Variants in ETS1 observed in about 807,000 individuals in gnomAD.
ETS1 encodes ETS proto-oncogene 1, transcription factor.
A neutral mutation model predicts 58.6 loss-of-function variants in ETS1; 15 were observed. The ratio of observed to expected loss-of-function variants is 0.26; its 90% CI spans 0.17 to 0.39. The LOEUF is 0.39. ETS1 is among the 10% of genes least tolerant of loss of function. The pLI is 1.00. For synonymous variants in ETS1, 214 were observed against 218.2 expected (o/e 0.98, Z 0.17); for missense variants, 417 against 610.5 (o/e 0.68, Z 3.34).
chr11:128,489,141 G>A (rs1283478567), intron 5 of ETS1, 149 bp downstream of exon 5: 5 of 700,020 alleles, frequency 7.1e-6, no homozygotes, highest in South Asian at 6.6e-5. Context: ...GCTGTATGCT[G>A]AGCAGTGTAC....
At chr11:128,577,877 G>A (rs1398998209) in intron 1 of ETS1, among the ~76,000 whole-genome samples, 2 of 150,036 alleles carry the variant, frequency 1.3e-5, no homozygotes, top group Non-Finnish European at 2.9e-5. Context: ...TGTTCAAGCA[G>A]TTGTCACGTG....
rs374019131 is a variant in ETS1 at position 128,556,377 on chromosome 11, T to C, written c.128A>G (p.Asn43Ser). The change falls in exon 3 of 10, where the codon AAT becomes AGT. Residue 43 changes from asparagine to serine, a missense_variant. Transcript: ENST00000392668. ...DPRMNCGFQS[N>S]YHQQRPCYPF... ...GTAGCAAGGTCTTTGCTGGTGATAATTGGACTGGAAACCACAGTTCATTCG... is the reference window on the plus strand; with the variant it reads ...GTAGCAAGGTCTTTGCTGGTGATAACTGGACTGGAAACCACAGTTCATTCG... 5.0e-6 allele frequency: 8 copies of C among 1,613,456 alleles called. No homozygotes were observed. The highest frequency in any genetic ancestry group is 2.7e-5 in the African/African-American group (2 of 74,934).
chr11:128,493,022 C>T (rs1192782426), intron 3 of ETS1, among the ~76,000 whole-genome samples: 1 of 152,148 alleles, frequency 6.6e-6, no homozygotes, highest in Admixed American at 6.5e-5. Context: ...TGTGTTTGTT[C>T]CCTCCATTAG....
At chr11:128,548,672 A>AGGGCGAGGTTCGGGCCGAGGC (rs1264498187) in intron 3 of ETS1, among the ~76,000 whole-genome samples, 1 of 152,228 alleles carries the variant, frequency 6.6e-6, no homozygotes, top group African/African-American at 2.4e-5. Context: ...CACAGGCCGA[A>AGGGCGAGGTTCGGGCCGAGGC]GGGCGAGGTT....
intron 3 of ETS1, among the ~76,000 whole-genome samples, chr11:128,512,049 A>G (rs1283555133): frequency 6.6e-6 from 1 of 152,228 alleles, no homozygotes; most frequent in African/African-American, 2.4e-5. Context: ...TATTTCCCCC[A>G]AATTCCACAA....
intron 3 of ETS1, chr11:128,505,075 T>A (rs1863194415): frequency 6.6e-6 from 1 of 152,232 alleles, no homozygotes; most frequent in Non-Finnish European, 1.5e-5. Context: ...AGGGTGCTAT[T>A]CCTGTCAATC....
At chr11:128,467,662 G>T (rs1248965265) in intron 8 of ETS1, among the ~76,000 whole-genome samples, 1 of 152,130 alleles carries the variant, frequency 6.6e-6, no homozygotes, top group Non-Finnish European at 1.5e-5. Flanking sequence ...GTCATGGGAA[G>T]GGGAGCTCAC....
At chr11:128,526,986 A>C in intron 3 of ETS1, 1 of 455,938 alleles carries the variant, frequency 2.2e-6, no homozygotes, top group South Asian at 1.6e-5. Context: ...CCCTGATAGC[A>C]GTTCTCTCCC....
Position 128,463,845 on chromosome 11 carries a change from G to C in ETS1, c.1124-218C>G. ...ATAAAACAAAAGCATGGAAGAAAAT[G>C]TGTCAAGTGCTTTATTTTGATTAAC... On this transcript the variant is annotated intron_variant, in intron 8 of 9. Coordinates refer to ENST00000392668, the MANE Select transcript of ETS1 (RefSeq NM_001143820.2). This position sits in a 1 kb window ranked among gnomAD's most constrained non-coding sequence, Gnocchi z 4.1. 2 of 363,134 alleles carry C rather than the reference G, an allele frequency of 5.5e-6. No individual in the cohort carries two copies. Among genetic ancestry groups the C allele is most frequent in the Non-Finnish European group, 5.1e-6 (1 of 196,730 alleles). The allele number at this position is 363,134 out of a possible 1,614,324, so 22.5% of individuals were successfully genotyped here.
chr11:128,522,440 G>T, intron 3 of ETS1: 1 of 770,794 alleles, frequency 1.3e-6, no homozygotes, highest in Non-Finnish European at 1.6e-6. Flanking sequence ...GGGGAGCGAG[G>T]GGCGGGGCGT....
chr11:128,536,562 A>T (rs1309132663), intron 3 of ETS1: 1 of 152,222 alleles, frequency 6.6e-6, no homozygotes, highest in Non-Finnish European at 1.5e-5. Context: ...AGAATAGCAT[A>T]CATTCTGTGG....
At position 128,460,091 on chromosome 11, in the gene ETS1, C is replaced by CACAA. The variant is rs971441279; in HGVS notation, c.*2269_*2270insTTGT. On this transcript the variant is annotated 3_prime_UTR_variant, in exon 10 of 10. Coordinates refer to ENST00000392668, the MANE Select transcript of ETS1 (RefSeq NM_001143820.2). ...CTGCAAACACACACACACACACACA[C>CACAA]ACACACACACACACACACACACACA... 5.9e-5 allele frequency: 3 copies of CACAA among 50,756 alleles called. No homozygotes were observed. Among genetic ancestry groups the CACAA allele is most frequent in the Non-Finnish European group, 1.3e-4 (3 of 22,860 alleles). 3.1% of individuals were successfully genotyped at this position (50,756 alleles called of 1,614,324 possible). A position where few individuals can be genotyped will look rare whatever the true frequency, so the allele number is the denominator to read the frequency against.
intron 1 of ETS1, among the ~76,000 whole-genome samples, chr11:128,583,263 G>A (rs1357751413): frequency 6.6e-6 from 1 of 152,190 alleles, no homozygotes; most frequent in Non-Finnish European, 1.5e-5. Context: ...CTGTGCCAAG[G>A]CTGAGCAGAT....
chr11:128,474,406 TAGTG>T (rs1322166085), intron 8 of ETS1, among the ~76,000 whole-genome samples: 1 of 152,158 alleles, frequency 6.6e-6, no homozygotes, highest in Admixed American at 6.5e-5. Flanking sequence ...AAAAAGTTCA[TAGTG>T]AGGACGAATC....
intron 2 of ETS1, among the ~76,000 whole-genome samples, chr11:128,567,573 A>C (rs1224101157): frequency 6.6e-6 from 1 of 152,184 alleles, no homozygotes; most frequent in African/African-American, 2.4e-5. Flanking sequence ...CATTTGATTT[A>C]GGGAGAGTGA....
At position 128,484,903 on chromosome 11, in the gene ETS1, T is replaced by A; in HGVS notation, c.782A>T (p.Asp261Val). The A allele has an allele frequency of 6.2e-7, 1 of 1,614,030 alleles. No individual in the cohort carries two copies. Among genetic ancestry groups the A allele is most frequent in the Non-Finnish European group, 8.5e-7 (1 of 1,179,948 alleles). The change falls in exon 7 of 10, where the codon GAC becomes GTC. Residue 261 changes from aspartate (D) to valine (V), a missense_variant. By Grantham distance (152) the Asp-to-Val change is radical. Transcript: ENST00000392668. Reference protein sequence around the residue: ...SVILRDPLQTDTLQNDYFAIK... With the variant: ...SVILRDPLQTVTLQNDYFAIK... ...AGCAAAGTAGTCATTCTGCAAGGTG[T>A]CTGTCTGGAGAGGGTCTCGGAGAAT...
intron 6 of ETS1, among the ~76,000 whole-genome samples, chr11:128,485,477 A>G (rs1161468894): frequency 6.6e-6 from 1 of 152,244 alleles, no homozygotes; most frequent in Non-Finnish European, 1.5e-5. Context: ...AACCTGTTTC[A>G]TATTCCCTGT....
chr11:128,532,503 A>C (rs1212158054), intron 3 of ETS1, among the ~76,000 whole-genome samples: 2 of 152,224 alleles, frequency 1.3e-5, no homozygotes, highest in East Asian at 3.8e-4. Flanking sequence ...TCATTGGGAA[A>C]GCAGACTTAA....
At chr11:128,474,976 C>G (rs112680091) in intron 8 of ETS1, among the ~76,000 whole-genome samples, 2,774 of 152,348 alleles carry the variant, frequency 0.018, 57 homozygotes, top group African/African-American at 0.042. Flanking sequence ...GTGAAATGCC[C>G]TAACTTCTCT....
Sources: allele counts gnomAD v4.1 joint callset (sites outside exome capture counted in the v4.1 genomes callset), GRCh38; gene constraint gnomAD v4.1.1; non-coding constraint Gnocchi (gnomAD v3.1); transcripts MANE v1.5; gene names NCBI Gene and HGNC (gene_info 2026-07-23, HGNC 2026-07-21).